Variants in KCNK3 observed in about 807,000 individuals in gnomAD.
KCNK3 encodes the protein potassium channel subfamily K member 3.
Under a neutral mutation model 27.3 loss-of-function variants are expected in KCNK3, and 9 were observed. The observed-to-expected ratio is 0.33, with a 90% CI of 0.20 to 0.57. The LOEUF is 0.57. Among genes scored for constraint, KCNK3 ranks in the 20% least tolerant of loss-of-function variants. KCNK3 has a pLI of 0.87. For missense variants in KCNK3, 391 were observed against 577.7 expected, an observed-to-expected ratio of 0.68 and a Z score of 3.31; for synonymous variants, 278 against 273.8, an observed-to-expected ratio of 1.02 and a Z score of -0.15.
rs1400338882 is a variant in KCNK3, at chr2:26,693,978, C to CAG, written c.283+830_283+831dup. Among the ~76,000 whole-genome samples the CAG allele has an allele frequency of 2.5e-4, 37 of 150,684 alleles. No individual in the cohort carries two copies. Among genetic ancestry groups the CAG allele is most frequent in the East Asian group, 7.8e-4 (4 of 5,128 alleles). ...GGGCGGGCACACACACACACACACA[C>CAG]AGAGAGAGAGACAGAGAGAGAGAGA... On this transcript the variant is annotated intron_variant, in intron 1 of 1. Coordinates refer to ENST00000302909, the MANE Select transcript of KCNK3 (RefSeq NM_002246.3). This position sits in a 1 kb window ranked among gnomAD's most constrained non-coding sequence, Gnocchi z 5.5.
chr2:26,728,283 C>T lies in KCNK3; in HGVS notation c.900C>T (p.Tyr300=), dbSNP rs750837699. The part of the protein sequence containing the change: ...AAGGGGFRNV[Y]AEVLHFQSMC... The stretch of plus-strand genomic sequence containing the variant: ...GCGGCGGCGGCTTCCGCAACGTCTA[C>T]GCGGAGGTGCTGCACTTCCAGTCCA... Residue 300 remains tyrosine, a synonymous_variant, in exon 2 of 2, where the codon TAC becomes TAT. Coordinates refer to ENST00000302909, the MANE Select transcript of KCNK3 (RefSeq NM_002246.3). 3 of 1,595,410 alleles carry T rather than the reference C, an allele frequency of 1.9e-6. No individual in the cohort carries two copies. Among genetic ancestry groups the T allele is most frequent in the Non-Finnish European group, 2.6e-6 (3 of 1,171,316 alleles).
intron 1 of KCNK3, among the ~76,000 whole-genome samples, chr2:26,711,736 T>C (rs994219939): frequency 6.6e-6 from 1 of 152,174 alleles, no homozygotes; most frequent in African/African-American, 2.4e-5. Context: ...GCCTGGCACG[T>C]AGTAAGCGCT....
chr2:26,722,427 C>A (rs1289937864), intron 1 of KCNK3, among the ~76,000 whole-genome samples: 2 of 152,212 alleles, frequency 1.3e-5, no homozygotes, highest in Non-Finnish European at 2.9e-5. Flanking sequence ...CATGTTAAGT[C>A]TATGAACTCA....
chr2:26,727,301 G>A (rs1240333382), intron 1 of KCNK3, among the ~76,000 whole-genome samples: 1 of 152,132 alleles, frequency 6.6e-6, no homozygotes, highest in East Asian at 1.9e-4. Flanking sequence ...CACTCTCCCT[G>A]TGCCTCTAGA....
At chr2:26,718,472 A>G (rs1258954319) in intron 1 of KCNK3, among the ~76,000 whole-genome samples, 4 of 152,232 alleles carry the variant, frequency 2.6e-5, no homozygotes, top group Non-Finnish European at 5.9e-5. Context: ...CAAAAGTAAT[A>G]GTTTTTTGTA....
intron 1 of KCNK3, among the ~76,000 whole-genome samples, chr2:26,710,163 C>G (rs990230256): frequency 6.6e-6 from 1 of 152,224 alleles, no homozygotes; most frequent in Non-Finnish European, 1.5e-5. Flanking sequence ...TAACCAAGAG[C>G]TTTGCAGGGA....
intron 1 of KCNK3, among the ~76,000 whole-genome samples, chr2:26,723,486 C>T (rs1028172927): frequency 6.6e-6 from 1 of 152,204 alleles, no homozygotes; most frequent in Non-Finnish European, 1.5e-5. Context: ...GCCAGGGTCC[C>T]AGGCCACCTC....
rs878979169 is a variant in KCNK3, at chr2:26,728,490, C to T, written c.1107C>T (p.Ser369=). 8.5e-6 allele frequency: 13 copies of T among 1,537,646 alleles called. No individual in the cohort carries two copies. Among genetic ancestry groups the T allele is most frequent in the Middle Eastern group, 1.7e-4 (1 of 5,782 alleles). Residue 369 remains serine, a synonymous_variant, in exon 2 of 2, where the codon TCC becomes TCT. Coordinates refer to ENST00000302909, the MANE Select transcript of KCNK3 (RefSeq NM_002246.3). ...GCCTGTGCAGCGGGGCGCCACGCTC[C>T]GCCATCAGCTCGGTGTCCACGGGTC... ...RRCLCSGAPR[S]AISSVSTGLH... is the part of the protein sequence containing the mutation.
At chr2:26,722,377 CA>C (rs1280589735) in intron 1 of KCNK3, among the ~76,000 whole-genome samples, 1 of 152,202 alleles carries the variant, frequency 6.6e-6, no homozygotes, top group African/African-American at 2.4e-5. Flanking sequence ...CCAAAATATT[CA>C]TATTAATAAT....
chr2:26,692,848 G>A lies in KCNK3; in HGVS notation c.-28G>A. ...GCCGAGGCGCGGGCCGGGGGCGCCG[G>A]GGGGCCGGCGGCGGCCCGGGCGGGA... On this transcript the variant is annotated 5_prime_UTR_variant, in exon 1 of 2. Coordinates refer to ENST00000302909, the MANE Select transcript of KCNK3 (RefSeq NM_002246.3). This position sits in a 1 kb window ranked among gnomAD's most constrained non-coding sequence, Gnocchi z 5.6. 1 of 1,201,908 alleles carries A rather than the reference G, an allele frequency of 8.3e-7. No homozygotes were observed. 74.5% of individuals were successfully genotyped at this position (1,201,908 alleles called of 1,614,324 possible).
At chr2:26,726,129 A>G (rs1663415456) in intron 1 of KCNK3, among the ~76,000 whole-genome samples, 1 of 151,992 alleles carries the variant, frequency 6.6e-6, no homozygotes, top group African/African-American at 2.4e-5. Flanking sequence ...AGAGAGAGAG[A>G]GAGAGAGAGA....
chr2:26,726,500 C>A (rs1462172692), intron 1 of KCNK3, among the ~76,000 whole-genome samples: 1 of 152,186 alleles, frequency 6.6e-6, no homozygotes, highest in East Asian at 1.9e-4. Flanking sequence ...ATGCCAGCGT[C>A]ATTTTATTAT....
At chr2:26,706,480 G>A (rs1670375180) in intron 1 of KCNK3, among the ~76,000 whole-genome samples, 1 of 152,144 alleles carries the variant, frequency 6.6e-6, no homozygotes, top group Non-Finnish European at 1.5e-5. Flanking sequence ...CTGAGCCAGG[G>A]TGCCCCCTTC....
At chr2:26,711,775 A>G (rs1182535226) in intron 1 of KCNK3, among the ~76,000 whole-genome samples, 1 of 152,252 alleles carries the variant, frequency 6.6e-6, no homozygotes, top group Non-Finnish European at 1.5e-5. Flanking sequence ...ATTGTTTTGA[A>G]TTGGAGAGGA....
intron 1 of KCNK3, among the ~76,000 whole-genome samples, chr2:26,710,962 C>G (rs1663100587): frequency 6.6e-6 from 1 of 152,218 alleles, no homozygotes; most frequent in Non-Finnish European, 1.5e-5. Context: ...GGCCGGCTGC[C>G]CTTCCCAGGT....
In KCNK3 at chr2:26,721,728, C is replaced by A. The variant is rs1232341685; in HGVS notation, c.284-5939C>A. 9.2e-5 allele frequency among the ~76,000 whole-genome samples: 14 copies of A among 152,246 alleles called. No individual in the cohort carries two copies. The highest frequency in any genetic ancestry group is 1.9e-4 in the Non-Finnish European group (13 of 68,046). On this transcript the variant is annotated intron_variant, in intron 1 of 1. Transcript: ENST00000302909. This position sits in a 1 kb window ranked among gnomAD's most constrained non-coding sequence, Gnocchi z 4.3. ...CCCGCACTCCTCTCTGGCTGCCACA[C>A]CAGGCCCAAGCCACACTGAGGTCAC...
At chr2:26,720,769 G>A (rs78637252) in intron 1 of KCNK3, among the ~76,000 whole-genome samples, 2,385 of 152,128 alleles carry the variant, frequency 0.016, 77 homozygotes, top group African/African-American at 0.055. Context: ...GAGAGGCCTC[G>A]GGAAGGGGCA....
In KCNK3 at chr2:26,693,034, C is replaced by A; in HGVS notation, c.159C>A (p.Asn53Lys). ...AGCAGGAGCTGCGGGCGCGCTACAA[C>A]CTCAGCCAGGGCGGCTACGAGGAGC... Reference protein sequence around the residue: ...LRQQELRARYNLSQGGYEELE... With the variant: ...LRQQELRARYKLSQGGYEELE... The change falls in exon 1 of 2, where the codon AAC becomes AAA. Residue 53 changes from asparagine (N) to lysine (K), a missense_variant. Coordinates refer to ENST00000302909, the MANE Select transcript of KCNK3 (RefSeq NM_002246.3). This position sits in a 1 kb window ranked among gnomAD's most constrained non-coding sequence, Gnocchi z 5.5. The A allele has an allele frequency of 6.3e-7, 1 of 1,594,662 alleles. No individual in the cohort carries two copies. Among genetic ancestry groups the A allele is most frequent in the Middle Eastern group, 1.7e-4 (1 of 5,754 alleles).
chr2:26,727,712 GC>G lies in KCNK3; in HGVS notation c.330del (p.Cys110Ter), dbSNP rs1369195926. On this transcript the variant is annotated frameshift_variant, in exon 2 of 2. Coordinates refer to ENST00000302909, the MANE Select transcript of KCNK3 (RefSeq NM_002246.3). LOFTEE classifies it high-confidence loss of function. ...APSTDGGKVF[C>X]MFYALLGIPL... is the part of the protein sequence containing the mutation. Reference sequence around the variant, plus strand: ...AGCACGGATGGCGGCAAGGTGTTCTGCATGTTCTACGCGCTGCTGGGCATCC... The same window carrying G: ...AGCACGGATGGCGGCAAGGTGTTCTGATGTTCTACGCGCTGCTGGGCATCC... The G allele has an allele frequency of 1.3e-6, 2 of 1,546,586 alleles. No homozygotes were observed. The highest frequency in any genetic ancestry group is 1.7e-6 in the Non-Finnish European group (2 of 1,144,486).
Sources: gnomAD v4.1 joint callset for allele counts (sites outside exome capture counted in the v4.1 genomes callset) on GRCh38, gnomAD v4.1.1 for gene constraint, Gnocchi (gnomAD v3.1) non-coding constraint, MANE v1.5 for transcripts, NCBI Gene and HGNC (gene_info 2026-07-23, HGNC 2026-07-21) for gene names.